Variants in PAK1 observed in about 807,000 individuals in gnomAD.
The protein encoded by PAK1 is serine/threonine-protein kinase PAK 1.
PAK1 carries 29 observed loss-of-function variants against 67.4 expected under a neutral mutation model. The ratio of observed to expected loss-of-function variants is 0.43; its 90% confidence interval spans 0.32 to 0.59. PAK1 has a LOEUF of 0.59. Ranked by LOEUF, PAK1 falls within the 20% of genes least tolerant of loss-of-function variation. The pLI is 0.07. For synonymous variants in PAK1, 223 were observed against 237.4 expected (o/e 0.94, Z 0.56); for missense variants, 337 against 670.7 (o/e 0.50, Z 5.50).
chr11:77,333,194 CTTTTTT>C (rs886805892), intron 13 of PAK1, among the ~76,000 whole-genome samples: 1 of 127,154 alleles, frequency 7.9e-6, no homozygotes, highest in Non-Finnish European at 1.7e-5. Context: ...TCTTCTTCTT[CTTTTTT>C]TTTTTTTTTT....
chr11:77,505,697 A>T, the PAK1 span, among the ~76,000 whole-genome samples: 2 of 152,242 alleles, frequency 1.3e-5, no homozygotes, highest in Non-Finnish European at 2.9e-5. Flanking sequence ...ATTTCCAGTA[A>T]CATCCTCAAA....
intron 1 of PAK1, among the ~76,000 whole-genome samples, chr11:77,405,670 GACAGACACACACACACAC>G (rs756137805): frequency 1.8e-4 from 23 of 125,660 alleles, no homozygotes; most frequent in Non-Finnish European, 2.3e-4. Flanking sequence ...CAGACAGACA[GACAGACACACACACACAC>G]ACACACACAC....
the PAK1 span, among the ~76,000 whole-genome samples, chr11:77,529,726 T>C: frequency 6.6e-6 from 1 of 152,100 alleles, no homozygotes; most frequent in African/African-American, 2.4e-5. Flanking sequence ...TAGCAGAGTT[T>C]TGAAGGATGA....
chr11:77,427,041 C>T (rs1955587254), intron 1 of PAK1, among the ~76,000 whole-genome samples: 1 of 152,186 alleles, frequency 6.6e-6, no homozygotes, highest in Admixed American at 6.5e-5. Context: ...TAAAGAAATA[C>T]AGACTCCTAT....
chr11:77,433,114 A>C (rs1445424749), intron 1 of PAK1, among the ~76,000 whole-genome samples: 1 of 152,218 alleles, frequency 6.6e-6, no homozygotes, highest in Non-Finnish European at 1.5e-5. Flanking sequence ...TTTTCAACAA[A>C]GGGTGCTGAA....
At chr11:77,337,126 T>C (rs1234097895) in intron 12 of PAK1, among the ~76,000 whole-genome samples, 198 bp downstream of exon 12, 1 of 151,728 alleles carries the variant, frequency 6.6e-6, no homozygotes, top group Non-Finnish European at 1.5e-5. Flanking sequence ...GTGGTTGTTG[T>C]TAAATGTATA....
At chr11:77,481,544 A>G in the PAK1 span, among the ~76,000 whole-genome samples, 5 of 151,912 alleles carry the variant, frequency 3.3e-5, no homozygotes, top group African/African-American at 1.2e-4. Context: ...GTGTGGTAGC[A>G]TGTGCCTGTA....
intron 6 of PAK1, among the ~76,000 whole-genome samples, chr11:77,358,305 G>C (rs1337128815): frequency 6.6e-6 from 1 of 151,810 alleles, no homozygotes; most frequent in Non-Finnish European, 1.5e-5. Flanking sequence ...AAGGCACAGG[G>C]ACTAGATGTT....
At chr11:77,399,481 A>G (rs1952312402) in intron 1 of PAK1, among the ~76,000 whole-genome samples, 1 of 152,208 alleles carries the variant, frequency 6.6e-6, no homozygotes, top group African/African-American at 2.4e-5. Context: ...CTTAAAGCTC[A>G]CTGGTGCTGA....
chr11:77,435,632 T>C (rs2138377060), intron 1 of PAK1, among the ~76,000 whole-genome samples: 1 of 143,466 alleles, frequency 7.0e-6, no homozygotes, highest in South Asian at 2.3e-4. Flanking sequence ...TAGCTGGGAC[T>C]ACAGGCGCCC....
chr11:77,473,319 G>C (rs1421445685), intron 1 of PAK1: 1 of 152,228 alleles, frequency 6.6e-6, no homozygotes, highest in Non-Finnish European at 1.5e-5. Flanking sequence ...CCCGGCGTCT[G>C]AGACCCGCGA....
chr11:77,380,715 C>T (rs1211086249), intron 2 of PAK1, among the ~76,000 whole-genome samples: 1 of 152,124 alleles, frequency 6.6e-6, no homozygotes. Flanking sequence ...ATCTTCCATA[C>T]CAGACTGAAT....
Position 77,323,222 on chromosome 11 carries a change from T to C in PAK1, c.*52A>G. On this transcript the variant is annotated 3_prime_UTR_variant, in exon 15 of 15. Coordinates refer to ENST00000356341, the MANE Select transcript of PAK1 (RefSeq NM_002576.5). ...ATCAGGAGTTGGAATTTCTGAAATGTGCATTTATCTCACAGAAGGCTTGGC... is the reference window on the plus strand; with the variant it reads ...ATCAGGAGTTGGAATTTCTGAAATGCGCATTTATCTCACAGAAGGCTTGGC... 1 of 1,612,578 alleles carries C rather than the reference T, an allele frequency of 6.2e-7. No homozygotes were observed. Among genetic ancestry groups the C allele is most frequent in the South Asian group, 1.1e-5 (1 of 90,818 alleles).
chr11:77,329,226 T>G (rs1940833363), intron 14 of PAK1: 2 of 152,310 alleles, frequency 1.3e-5, no homozygotes. Flanking sequence ...ATGGTACCAT[T>G]CCTTCTGAAA....
At chr11:77,359,084 C>A in intron 5 of PAK1, 67 bp from the exon 6 acceptor site, 1 of 1,486,082 alleles carries the variant, frequency 6.7e-7, no homozygotes, top group African/African-American at 1.4e-5. Context: ...TCAGGATCAC[C>A]AAACCTCCCA....
intron 1 of PAK1, among the ~76,000 whole-genome samples, chr11:77,393,863 C>T (rs1260739417): frequency 6.6e-6 from 1 of 151,966 alleles, no homozygotes; most frequent in East Asian, 1.9e-4. Context: ...ATTAGCCAGG[C>T]GTGGTGGTGG....
At chr11:77,378,808 G>A (rs1949438212) in intron 4 of PAK1, among the ~76,000 whole-genome samples, 2 of 152,098 alleles carry the variant, frequency 1.3e-5, no homozygotes, top group African/African-American at 2.4e-5. Context: ...GACTGGTCTC[G>A]AACTCCTGAC....
At chr11:77,468,267 G>T (rs1231203886) in intron 1 of PAK1, among the ~76,000 whole-genome samples, 1 of 152,152 alleles carries the variant, frequency 6.6e-6, no homozygotes, top group African/African-American at 2.4e-5. Context: ...ATGGACTTAA[G>T]AATTAGATGA....
chr11:77,378,513 A>G (rs541658098), intron 4 of PAK1, among the ~76,000 whole-genome samples: 2 of 152,336 alleles, frequency 1.3e-5, no homozygotes, highest in East Asian at 1.9e-4. Context: ...AATGATGACA[A>G]TGATAGCTAC....
Sources: gnomAD v4.1 joint callset for allele counts (sites outside exome capture counted in the v4.1 genomes callset) on GRCh38, gnomAD v4.1.1 for gene constraint, MANE v1.5 for transcripts, NCBI Gene and HGNC (gene_info 2026-07-23, HGNC 2026-07-21) for gene names.